The following TENM4 variants were observed in gnomAD, a reference collection of about 807,000 sequenced individuals.
The protein encoded by TENM4 is teneurin transmembrane protein 4.
Under a neutral mutation model 243.3 loss-of-function variants are expected in TENM4, and 82 were observed. The observed-to-expected ratio is 0.34, with a 90% CI of 0.28 to 0.40. The LOEUF (loss-of-function observed/expected upper bound fraction) is 0.40, where lower values mean the gene tolerates loss of function less well. Ranked by LOEUF, TENM4 falls within the 10% of genes least tolerant of loss-of-function variation. The probability of loss-of-function intolerance (pLI) is 1.00; values close to 1 mark genes in which losing one functional copy is unlikely to be tolerated. For missense variants in TENM4, 3,138 were observed against 3,673.3 expected, an observed-to-expected ratio of 0.85 and a Z score of 3.77; for synonymous variants, 1,412 against 1,456.3, an observed-to-expected ratio of 0.97 and a Z score of 0.69.
chr11:78,902,643 T>C (rs146135701), intron 7 of TENM4, among the ~76,000 whole-genome samples: 27 of 152,306 alleles, frequency 1.8e-4, no homozygotes, highest in African/African-American at 5.8e-4. Context: ...ACCCACTTCA[T>C]AGAGGTATGA....
chr11:78,702,247 A>G lies in TENM4; in HGVS notation c.4366T>C (p.Phe1456Leu), dbSNP rs1243562334. ...TGGATGGCCACCTTGCTTAGCAGGA[A>G]GTGGTCAATGCCAGGGACCTGGCAG... is the stretch of plus-strand genomic sequence containing the variant. ...MHCQVPGIDH[F>L]LLSKVAIHAT... is the part of the protein sequence containing the mutation. Residue 1456 changes from phenylalanine to leucine, a missense_variant, in exon 28 of 34, where the codon TTC becomes CTC. Physicochemically the swap from Phe to Leu is conservative, Grantham distance 22. Transcript: ENST00000278550. 3.1e-6 allele frequency: 5 copies of G among 1,613,942 alleles called. No homozygotes were observed. Among genetic ancestry groups the G allele is most frequent in the Non-Finnish European group, 3.4e-6 (4 of 1,179,900 alleles).
At chr11:79,110,664 T>C (rs1861483095) in intron 4 of TENM4, among the ~76,000 whole-genome samples, 1 of 152,154 alleles carries the variant, frequency 6.6e-6, no homozygotes, top group African/African-American at 2.4e-5. Context: ...GAAACGTGCA[T>C]GTCAGGTAAG....
intron 4 of TENM4, among the ~76,000 whole-genome samples, chr11:79,089,312 G>A (rs886208043): frequency 6.6e-6 from 1 of 152,244 alleles, no homozygotes; most frequent in African/African-American, 2.4e-5. Flanking sequence ...ACCTTCCCAA[G>A]TTGTGCCTGC....
intron 1 of TENM4, among the ~76,000 whole-genome samples, chr11:79,318,025 G>T (rs948165179): frequency 6.6e-6 from 1 of 152,184 alleles, no homozygotes; most frequent in African/African-American, 2.4e-5. Flanking sequence ...TACTCAAAGA[G>T]GGAGAAATTC....
At chr11:78,819,737 G>A (rs1857685138) in intron 12 of TENM4, among the ~76,000 whole-genome samples, 1 of 152,164 alleles carries the variant, frequency 6.6e-6, no homozygotes, top group African/African-American at 2.4e-5. Context: ...GCTCCTGTAT[G>A]TCTTGTTCCC....
intron 6 of TENM4, among the ~76,000 whole-genome samples, chr11:78,927,479 GGTCA>G (rs1856577070): frequency 6.6e-6 from 1 of 152,124 alleles, no homozygotes; most frequent in Non-Finnish European, 1.5e-5. Context: ...AGTTTATACA[GGTCA>G]AAAATATAAA....
intron 6 of TENM4, among the ~76,000 whole-genome samples, chr11:79,012,678 A>G (rs659944): frequency 0.18 from 27,423 of 152,194 alleles, 3,150 homozygotes; most frequent in Non-Finnish European, 0.26. Flanking sequence ...GAGGAGGTAC[A>G]GGATGATGTT....
intron 27 of TENM4, among the ~76,000 whole-genome samples, chr11:78,707,914 T>C (rs1859296467): frequency 6.6e-6 from 1 of 152,240 alleles, no homozygotes; most frequent in South Asian, 2.1e-4. Context: ...AATCGATTAA[T>C]CAATCAGCAA....
intron 3 of TENM4, among the ~76,000 whole-genome samples, chr11:79,187,915 T>C (rs1863407727): frequency 6.6e-6 from 1 of 152,238 alleles, no homozygotes; most frequent in Non-Finnish European, 1.5e-5. Flanking sequence ...AATTAATTTC[T>C]GTTGTTTAAA....
chr11:78,870,079 G>T (rs1859084648), intron 9 of TENM4, among the ~76,000 whole-genome samples: 1 of 152,142 alleles, frequency 6.6e-6, no homozygotes, highest in Non-Finnish European at 1.5e-5. Flanking sequence ...TTGTGACTTT[G>T]GGCAAAGTAC....
chr11:78,917,277 T>C (rs1184405427), intron 6 of TENM4, among the ~76,000 whole-genome samples: 1 of 152,170 alleles, frequency 6.6e-6, no homozygotes, highest in Non-Finnish European at 1.5e-5. Flanking sequence ...TTTAGAGAAG[T>C]TGCATGCAAA....
intron 2 of TENM4, among the ~76,000 whole-genome samples, chr11:79,246,709 A>G (rs1855522716): frequency 6.6e-6 from 1 of 152,172 alleles, no homozygotes; most frequent in African/African-American, 2.4e-5. Context: ...GAAAACAGGC[A>G]AAACAGCTGG....
intron 12 of TENM4, among the ~76,000 whole-genome samples, chr11:78,844,663 A>G (rs543574913): frequency 6.6e-5 from 10 of 151,754 alleles, no homozygotes; most frequent in African/African-American, 2.4e-4. Context: ...GGAGGAAAAG[A>G]CACCAGAGAT....
chr11:79,334,791 A>G (rs140443194), intron 1 of TENM4, among the ~76,000 whole-genome samples: 156 of 152,358 alleles, frequency 1.0e-3, no homozygotes, highest in African/African-American at 3.7e-3. Context: ...AAATCCTGTC[A>G]TAAAGAGATC....
At chr11:78,860,980 T>C (rs1287103991) in intron 10 of TENM4, among the ~76,000 whole-genome samples, 1 of 152,218 alleles carries the variant, frequency 6.6e-6, no homozygotes, top group Non-Finnish European at 1.5e-5. Context: ...AGATTTCAGA[T>C]AGATCCGACT....
Position 79,055,032 on chromosome 11 carries a change from C to T in TENM4, c.493+9706G>A, listed in dbSNP as rs547496875. 9.3e-5 allele frequency among the ~76,000 whole-genome samples: 14 copies of T among 150,548 alleles called. No individual in the cohort carries two copies. The East Asian group carries it at 2.8e-3, about 30-fold the overall frequency. On this transcript the variant is annotated intron_variant, in intron 6 of 33. Transcript: ENST00000278550. Reference sequence around the variant, plus strand: ...ATCCCAGGTACTTGGGAGGCTGAGGCAGGAGAATTGCTTGAACCCAGGATG... The same window carrying T: ...ATCCCAGGTACTTGGGAGGCTGAGGTAGGAGAATTGCTTGAACCCAGGATG...
intron 4 of TENM4, among the ~76,000 whole-genome samples, chr11:79,100,091 C>T (rs566646149): frequency 7.9e-4 from 121 of 152,232 alleles, no homozygotes; most frequent in Admixed American, 7.1e-3. Context: ...CACTTATATC[C>T]CTCCCCTGAG....
rs115874160 is a variant in TENM4 at position 78,813,196 on chromosome 11, A to G, written c.1784-880T>C. Among the ~76,000 whole-genome samples the G allele has an allele frequency of 3.2e-3, 494 of 152,344 alleles. 4 individuals are homozygous for G. Among genetic ancestry groups the G allele is most frequent in the African/African-American group, 0.011 (470 of 41,568 alleles). On this transcript the variant is annotated intron_variant, in intron 13 of 33. Transcript: ENST00000278550. ...CTGAGTCTGTCTCACATTAGGAAGA[A>G]TAAACAGACTCTCATGGCATAGTAC...
At chr11:79,353,074 C>G (rs1486945318) in intron 1 of TENM4, among the ~76,000 whole-genome samples, 2 of 152,028 alleles carry the variant, frequency 1.3e-5, no homozygotes, top group Admixed American at 1.3e-4. Flanking sequence ...GGTAGGGGGA[C>G]AGGCAGGGGG....
Sources: gnomAD v4.1 joint callset for allele counts (sites outside exome capture counted in the v4.1 genomes callset) on GRCh38, gnomAD v4.1.1 for gene constraint, MANE v1.5 for transcripts, NCBI Gene and HGNC (gene_info 2026-07-23, HGNC 2026-07-21) for gene names.